FAT2: variants seen among roughly 807,000 people sequenced by gnomAD.
The protein encoded by FAT2 is FAT atypical cadherin 2.
FAT2 carries 150 observed loss-of-function variants against 295.3 expected under a neutral mutation model. The ratio of observed to expected loss-of-function variants is 0.51; its 90% CI spans 0.44 to 0.58. The LOEUF is 0.58. FAT2 is among the 20% of genes least tolerant of loss of function. The pLI, the probability that FAT2 is intolerant of heterozygous loss-of-function variation, is 0.00. For synonymous variants in FAT2, 2,026 were observed against 2,150.3 expected (o/e 0.94, Z 1.60); for missense variants, 4,868 against 5,442.7 (o/e 0.89, Z 3.32).
rs1315627325 is a variant in FAT2, at chr5:151,531,728, T to G, written c.9670A>C (p.Ser3224Arg). Residue 3224 changes from serine to arginine, a missense_variant, in exon 14 of 24, where the codon AGC becomes CGC. Physicochemically the swap from Ser to Arg is moderately radical, Grantham distance 110. This residue lies in a region of FAT2 where 1,046 missense variants were observed against 1,210.1 expected (regional missense o/e 0.86). Coordinates refer to ENST00000261800, the MANE Select transcript of FAT2 (RefSeq NM_001447.3). This position sits in a 1 kb window ranked among gnomAD's most constrained non-coding sequence, Gnocchi z 5.7. Reference protein sequence around the residue: ...YLPVFLNTEHSVQVPEDAPPG... With the variant: ...YLPVFLNTEHRVQVPEDAPPG... ...GGGGCGTCCTCGGGCACCTGCACGC[T>G]GTGCTCGGTGTTCAGGAACACGGGC... is the stretch of plus-strand genomic sequence containing the variant. 1.2e-6 allele frequency: 2 copies of G among 1,613,810 alleles called. No individual in the cohort carries two copies. The highest frequency in any genetic ancestry group is 3.3e-5 in the Admixed American group (2 of 60,018).
chr5:151,505,973 G>A lies in FAT2; in HGVS notation c.12642C>T (p.Val4214=), dbSNP rs746664906. The change falls in exon 24 of 24, where the codon GTC becomes GTT. Residue 4214 remains valine, a synonymous_variant. Coordinates refer to ENST00000261800, the MANE Select transcript of FAT2 (RefSeq NM_001447.3). ...PPSAHRHSTP[V]VMPEPNGLYG... is the part of the protein sequence containing the mutation. ...AGAGGCCATTAGGCTCTGGCATCAC[G>A]ACTGGGGTTGAGTGGCGGTGAGCCG... 14 of 1,572,814 alleles carry A rather than the reference G, an allele frequency of 8.9e-6. No individual in the cohort carries two copies. Among genetic ancestry groups the A allele is most frequent in the Admixed American group, 2.0e-5 (1 of 50,534 alleles).
Position 151,506,209 on chromosome 5 carries a change from CATAGG to C in FAT2, c.12518-117_12518-113del. On this transcript the variant is annotated intron_variant, in intron 23 of 23. Transcript: ENST00000261800. ...AGTGGTGGAGATGGGAGTGGGTGGG[CATAGG>C]CCCATCTGTGCAGGTTGTCTCTGTT... 5 of 1,154,268 alleles carry C rather than the reference CATAGG, an allele frequency of 4.3e-6. No homozygotes were observed. The African/African-American group carries it at 6.3e-5, about 15-fold the overall frequency. 71.5% of individuals were successfully genotyped at this position (1,154,268 alleles called of 1,614,324 possible). A position where few individuals can be genotyped will look rare whatever the true frequency, so the allele number is the denominator to read the frequency against.
rs751819086 is a variant in FAT2 at position 151,566,207 on chromosome 5, T to C, written c.2725A>G (p.Thr909Ala). Reference sequence around the variant, plus strand: ...TCCTCCAATGTGATTATCAGGTCAGTGACAGAGAAGAGCTGGTGGCCTTTG... The same window carrying C: ...TCCTCCAATGTGATTATCAGGTCAGCGACAGAGAAGAGCTGGTGGCCTTTG... ...PSKGHQLFSV[T>A]DLIITLEDVN... is the part of the protein sequence containing the mutation. The change falls in exon 2 of 24, where the codon ACT (threonine) becomes GCT (alanine). Residue 909 changes from threonine (T) to alanine (A), a missense_variant. Thr to Ala is a moderately conservative substitution (Grantham distance 58). Coordinates refer to ENST00000261800, the MANE Select transcript of FAT2 (RefSeq NM_001447.3). 3 of 1,614,010 alleles carry C rather than the reference T, an allele frequency of 1.9e-6. No individual in the cohort carries two copies.
Position 151,544,078 on chromosome 5 carries a change from C to T in FAT2, c.7049G>A (p.Arg2350Lys), listed in dbSNP as rs542524930. Residue 2350 changes from arginine (R) to lysine (K), a missense_variant, in exon 10 of 24, where the codon AGG (arginine) becomes AAG (lysine). Arg to Lys is a conservative substitution (Grantham distance 26). Around this residue, in one of 5 missense-constraint regions of FAT2, gnomAD observed 3,297 missense variants for 3,669.4 expected, o/e 0.90. Coordinates refer to ENST00000261800, the MANE Select transcript of FAT2 (RefSeq NM_001447.3). ...TGGGGGATCTCCTTTATCCATGGCC[C>T]TGACTTTCACATGAAAGTGTTGTTG... ...EAQQHFHVKV[R>K]AMDKGDPPLT... 1.2e-6 allele frequency: 2 copies of T among 1,614,170 alleles called. No individual in the cohort carries two copies.
intron 4 of FAT2, chr5:151,556,134 T>C: frequency 1.7e-6 from 1 of 584,666 alleles, no homozygotes; most frequent in East Asian, 2.9e-5. Flanking sequence ...CAATGGTGCC[T>C]ACCCAGCCTG....
intron 1 of FAT2, among the ~76,000 whole-genome samples, chr5:151,586,423 TC>T (rs1294902688): frequency 6.6e-6 from 1 of 151,550 alleles, no homozygotes; most frequent in East Asian, 1.9e-4. Flanking sequence ...AAGATTTCTG[TC>T]TTTTGCAGAC....
chr5:151,505,836 C>T lies in FAT2; in HGVS notation c.12779G>A (p.Arg4260Gln), dbSNP rs751686564. 2.2e-5 allele frequency: 35 copies of T among 1,613,182 alleles called. No individual in the cohort carries two copies. In the East Asian group the frequency reaches 3.6e-4, roughly 16 times the overall value. The change falls in exon 24 of 24, where the codon CGG becomes CAG. Residue 4260 changes from arginine to glutamine, a missense_variant. By Grantham distance (43) the Arg-to-Gln change is conservative. Around this residue, in one of 5 missense-constraint regions of FAT2, gnomAD observed 492 missense variants for 482.6 expected, o/e 1.02. Transcript: ENST00000261800. Reference sequence around the variant, plus strand: ...GAGACAGGGGGCAACCAGGCGCTCCCGGGGACTAGGGGGCCGAGAGGGCAT... The same window carrying T: ...GAGACAGGGGGCAACCAGGCGCTCCTGGGGACTAGGGGGCCGAGAGGGCAT... ...DLMPSRPPSP[R>Q]ERLVAPCLNE...
chr5:151,565,904 G>A lies in FAT2; in HGVS notation c.3028C>T (p.Arg1010Cys), dbSNP rs149215962. The A allele has an allele frequency of 1.4e-3, 2,217 of 1,613,798 alleles. 3 individuals carry two copies. Among genetic ancestry groups the A allele is most frequent in the Non-Finnish European group, 1.5e-3 (1,791 of 1,180,010 alleles). ...ACCTCCACATGGCAGAGAGTCCTGC[G>A]GGCTAGGGGCCTCCCACCATCACTG... is the stretch of plus-strand genomic sequence containing the variant. Reference protein sequence around the residue: ...WASDGGRPLARRTLCHVEVIV... With the variant: ...WASDGGRPLACRTLCHVEVIV... The change falls in exon 2 of 24, where the codon CGC (arginine) becomes TGC (cysteine). Residue 1010 changes from arginine (R) to cysteine (C), a missense_variant. Around this residue, in one of 5 missense-constraint regions of FAT2, gnomAD observed 3,297 missense variants for 3,669.4 expected, o/e 0.90. Coordinates refer to ENST00000261800, the MANE Select transcript of FAT2 (RefSeq NM_001447.3).
chr5:151,575,798 G>C (rs1758723980), intron 1 of FAT2, among the ~76,000 whole-genome samples: 1 of 152,206 alleles, frequency 6.6e-6, no homozygotes, highest in African/African-American at 2.4e-5. Context: ...CTTTCCAGCA[G>C]AACTTTCTGC....
Position 151,566,683 on chromosome 5 carries a change from A to G in FAT2, c.2249T>C (p.Leu750Pro). The change falls in exon 2 of 24, where the codon CTG (leucine) becomes CCG (proline). Residue 750 changes from leucine (L) to proline (P), a missense_variant. Leu to Pro is a moderately conservative substitution (Grantham distance 98, BLOSUM62 -3). Around this residue, in one of 5 missense-constraint regions of FAT2, gnomAD observed 3,297 missense variants for 3,669.4 expected, o/e 0.90. Coordinates refer to ENST00000261800, the MANE Select transcript of FAT2 (RefSeq NM_001447.3). ...ATTGCCATCTGCAATCACATAGACC[A>G]GTTTGCCATTAAAACCAGCATCAGG... The part of the protein sequence containing the change: ...TDPDAGFNGK[L>P]VYVIADGNEE... The G allele has an allele frequency of 6.2e-7, 1 of 1,614,192 alleles. No individual in the cohort carries two copies. Among genetic ancestry groups the G allele is most frequent in the Non-Finnish European group, 8.5e-7 (1 of 1,180,038 alleles).
Position 151,568,867 on chromosome 5 carries a change from A to G in FAT2, c.65T>C (p.Leu22Pro). 1 of 1,614,130 alleles carries G rather than the reference A, an allele frequency of 6.2e-7. No homozygotes were observed. The highest frequency in any genetic ancestry group is 1.1e-5 in the South Asian group (1 of 91,064). The change falls in exon 2 of 24, where the codon CTA becomes CCA. Residue 22 changes from leucine (L) to proline (P), a missense_variant. Physicochemically the swap from Leu to Pro is moderately conservative, Grantham distance 98. This residue lies in a region of FAT2 where 3,297 missense variants were observed against 3,669.4 expected (regional missense o/e 0.90). Transcript: ENST00000261800. ...AGCAGAGGAGGAGAGAATCCCTTCT[A>G]GAGGCTTCTCACAGGTCGCACAATG... ...LLHCATCEKP[L>P]EGILSSSAWH...
At position 151,507,385 on chromosome 5, in the gene FAT2, G is replaced by T. The variant is rs1581262780; in HGVS notation, c.12286C>A (p.Gln4096Lys). 6.2e-7 allele frequency: 1 copy of T among 1,614,166 alleles called. No homozygotes were observed. Among genetic ancestry groups the T allele is most frequent in the Non-Finnish European group, 8.5e-7 (1 of 1,180,032 alleles). Residue 4096 changes from glutamine (Q) to lysine (K), a missense_variant, in exon 23 of 24, where the codon CAA (glutamine) becomes AAA (lysine). Coordinates refer to ENST00000261800, the MANE Select transcript of FAT2 (RefSeq NM_001447.3). ...TTGAGCTCGATGGCAGGCATGGCTT[G>T]GGTGTCAACACCAACACTCCTGGCC... ...LLARSVGVDT[Q>K]AMPAIELNPL...
upstream of FAT2, among the ~76,000 whole-genome samples, chr5:151,592,114 T>G (rs541387894): frequency 2.6e-5 from 4 of 152,324 alleles, no homozygotes; most frequent in South Asian, 6.2e-4. Flanking sequence ...GCAGGACGCC[T>G]TGGCTTTGAT....
At position 151,528,319 on chromosome 5, in the gene FAT2, TATTC is replaced by T. The variant is rs1273546142; in HGVS notation, c.10027-190_10027-187del. 5.9e-5 allele frequency among the ~76,000 whole-genome samples: 9 copies of T among 152,320 alleles called. No individual in the cohort carries two copies. The East Asian group carries it at 1.7e-3, about 29-fold the overall frequency. On this transcript the variant is annotated intron_variant, in intron 15 of 23. Transcript: ENST00000261800. Reference sequence around the variant, plus strand: ...GTGTGGACTTCAGCATGCCATGGTTTATTCATTCACTCACCATTCACTCTTGCTA... The same window carrying T: ...GTGTGGACTTCAGCATGCCATGGTTTATTCACTCACCATTCACTCTTGCTA...
Position 151,567,385 on chromosome 5 carries a change from G to A in FAT2, c.1547C>T (p.Thr516Ile), listed in dbSNP as rs2127647803. 2 of 1,614,146 alleles carry A rather than the reference G, an allele frequency of 1.2e-6. No homozygotes were observed. The highest frequency in any genetic ancestry group is 1.7e-6 in the Non-Finnish European group (2 of 1,179,970). The change falls in exon 2 of 24, where the codon ACC becomes ATC. Residue 516 changes from threonine to isoleucine, a missense_variant. Physicochemically the swap from Thr to Ile is moderately conservative, Grantham distance 89. This residue lies in a region of FAT2 where 3,297 missense variants were observed against 3,669.4 expected (regional missense o/e 0.90). Coordinates refer to ENST00000261800, the MANE Select transcript of FAT2 (RefSeq NM_001447.3). ...GAGTTCATAGTCCATGGGTTTGGAGGTGGAGATGATCCCCAGGTAGGGGTC... is the reference window on the plus strand; with the variant it reads ...GAGTTCATAGTCCATGGGTTTGGAGATGGAGATGATCCCCAGGTAGGGGTC... ...SIDPYLGIISTSKPMDYELMK... is the reference protein window; with the variant it reads ...SIDPYLGIISISKPMDYELMK...
chr5:151,545,586 G>A lies in FAT2; in HGVS notation c.5541C>T (p.Ser1847=), dbSNP rs540854869. ...CAGGTCTGGGTGCAAATAATACAGG[G>A]CTTCCTTGGTCATGGACATAGACAC... ...QFCVYVHDQG[S]PVLFAPRPAQ... is the part of the protein sequence containing the mutation. The change falls in exon 10 of 24, where the codon AGC becomes AGT. Residue 1847 remains serine (S), a synonymous_variant. Coordinates refer to ENST00000261800, the MANE Select transcript of FAT2 (RefSeq NM_001447.3). 1 of 1,614,018 alleles carries A rather than the reference G, an allele frequency of 6.2e-7. No homozygotes were observed. Among genetic ancestry groups the A allele is most frequent in the Admixed American group, 1.7e-5 (1 of 60,024 alleles).
intron 16 of FAT2, 90 bp from the exon 17 acceptor site, chr5:151,527,467 T>C (rs1200857877): frequency 8.3e-6 from 11 of 1,328,278 alleles, no homozygotes; most frequent in Non-Finnish European, 1.0e-5. Flanking sequence ...TCAAAAAAAA[T>C]AAGAAGGAGA....
rs763201957 is a variant in FAT2, at chr5:151,543,063, T to C, written c.8064A>G (p.Leu2688=). The C allele has an allele frequency of 1.2e-6, 2 of 1,614,154 alleles. No individual in the cohort carries two copies. The highest frequency in any genetic ancestry group is 1.7e-6 in the Non-Finnish European group (2 of 1,180,030). Reference sequence around the variant, plus strand: ...TATACAAAGGTTCAGAAAATTTCGGTAAGGATACTTTTTTAGGAACCACCT... The same window carrying C: ...TATACAAAGGTTCAGAAAATTTCGGCAAGGATACTTTTTTAGGAACCACCT... ...RLQVVPKKVS[L]PKFSEPLYTF... is the part of the protein sequence containing the mutation. The change falls in exon 10 of 24, where the codon TTA becomes TTG. Residue 2688 remains leucine (L), a synonymous_variant. Coordinates refer to ENST00000261800, the MANE Select transcript of FAT2 (RefSeq NM_001447.3).
In FAT2 at chr5:151,544,767, G is replaced by A. The variant is rs1476210264; in HGVS notation, c.6360C>T (p.Pro2120=). The A allele has an allele frequency of 1.2e-6, 2 of 1,614,192 alleles. No homozygotes were observed. Among genetic ancestry groups the A allele is most frequent in the South Asian group, 1.1e-5 (1 of 91,084 alleles). Residue 2120 remains proline (P), a synonymous_variant, in exon 10 of 24, where the codon CCC becomes CCT. Transcript: ENST00000261800. The part of the protein sequence containing the change: ...AEDYTYFRID[P]YLGDISLKKP... ...TCTTGAGTGATATGTCCCCAAGATA[G>A]GGGTCAATTCGGAAATATGTGTAAT...
Sources: allele counts gnomAD v4.1 joint callset (sites outside exome capture counted in the v4.1 genomes callset), GRCh38; gene constraint gnomAD v4.1.1; regional missense constraint gnomAD v4.1.1; non-coding constraint Gnocchi (gnomAD v3.1); transcripts MANE v1.5; gene names NCBI Gene and HGNC (gene_info 2026-07-23, HGNC 2026-07-21).